The following DNAI7 variants were observed in gnomAD, a reference collection of about 807,000 sequenced individuals.
The protein encoded by DNAI7 is dynein axonemal intermediate chain 7.
A neutral mutation model predicts 86.6 loss-of-function variants in DNAI7; 78 were observed. The observed-to-expected ratio is 0.90, with a 90% CI of 0.75 to 1.09. DNAI7 has a LOEUF of 1.09. Among genes scored for constraint, DNAI7 ranks in the 50% least tolerant of loss-of-function variants. DNAI7 has a pLI of 0.00. For synonymous variants in DNAI7, 274 were observed against 273.0 expected (o/e 1.00, Z -0.04); for missense variants, 753 against 810.2 (o/e 0.93, Z 0.86).
Position 25,164,280 on chromosome 12 carries a change from T to A in DNAI7, c.22-3083A>T, listed in dbSNP as rs191517981. Among the ~76,000 whole-genome samples, 925 of 142,418 alleles carry A rather than the reference T, an allele frequency of 6.5e-3. 9 individuals are homozygous for A. Among genetic ancestry groups the A allele is most frequent in the African/African-American group, 0.023 (863 of 37,948 alleles). 93.4% of individuals were successfully genotyped at this position (142,418 alleles called of 152,430 possible). ...GTACCACTTTTCTAGAGGGCAAGAA[T>A]CCCCCAACCCTTCTCTCCGTGTCTC... On this transcript the variant is annotated intron_variant, in intron 2 of 15. Transcript: ENST00000395987.
chr12:25,120,724 C>CA (rs907966532), intron 11 of DNAI7, among the ~76,000 whole-genome samples: 9 of 151,176 alleles, frequency 6.0e-5, no homozygotes, highest in South Asian at 2.1e-4. Context: ...GACTCCGTCT[C>CA]AAAAAAAATA....
At chr12:25,145,813 A>T (rs971107161) in intron 8 of DNAI7, among the ~76,000 whole-genome samples, 5 of 152,246 alleles carry the variant, frequency 3.3e-5, no homozygotes, top group African/African-American at 1.2e-4. Context: ...AAGATCAAGC[A>T]GCAACCAAGC....
At chr12:25,124,389 T>A (rs2140498184) in intron 9 of DNAI7, among the ~76,000 whole-genome samples, 1 of 152,090 alleles carries the variant, frequency 6.6e-6, no homozygotes, top group African/African-American at 2.4e-5. Flanking sequence ...TCCTAAATAG[T>A]AGTGGCATTG....
intron 9 of DNAI7, among the ~76,000 whole-genome samples, chr12:25,124,344 CCTTA>C (rs1342481765): frequency 6.6e-6 from 1 of 151,292 alleles, no homozygotes; most frequent in African/African-American, 2.4e-5. Flanking sequence ...GAACCTTCTC[CCTTA>C]TTTATTCATT....
intron 1 of DNAI7, among the ~76,000 whole-genome samples, chr12:25,193,016 G>A (rs983145951): frequency 2.0e-5 from 3 of 151,616 alleles, no homozygotes; most frequent in Non-Finnish European, 2.9e-5. Context: ...GTGGTGGCAC[G>A]TGCCTTGTAC....
Position 25,108,780 on chromosome 12 carries a change from C to G in DNAI7, c.1937G>C (p.Trp646Ser). ...LTEACTENPN[W>S]ALLMFSGDRA... is the part of the protein sequence containing the mutation. Reference sequence around the variant, plus strand: ...GTCACCACTAAACATTAAAAGGGCCCAATTAGGATTCTCAGTACATGCTTC... The same window carrying G: ...GTCACCACTAAACATTAAAAGGGCCGAATTAGGATTCTCAGTACATGCTTC... Residue 646 changes from tryptophan (W) to serine (S), a missense_variant, in exon 16 of 16, where the codon TGG becomes TCG. Trp to Ser is a radical substitution (Grantham distance 177). Transcript: ENST00000395987. 7.5e-7 allele frequency: 1 copy of G among 1,329,152 alleles called. No individual in the cohort carries two copies. The highest frequency in any genetic ancestry group is 1.0e-6 in the Non-Finnish European group (1 of 982,784). 82.3% of individuals were successfully genotyped at this position (1,329,152 alleles called of 1,614,324 possible).
At chr12:25,120,739 T>A (rs920419646) in intron 11 of DNAI7, among the ~76,000 whole-genome samples, 10 of 151,412 alleles carry the variant, frequency 6.6e-5, no homozygotes, top group Non-Finnish European at 1.5e-4. Context: ...AAAATAAAAA[T>A]AAAAAAAATA....
At chr12:25,108,037 CA>C, downstream of DNAI7, 1 of 1,613,926 alleles carries the variant, frequency 6.2e-7, no homozygotes, top group Non-Finnish European at 8.5e-7. Flanking sequence ...CAGACTCCGA[CA>C]CAATGGGCCA....
chr12:25,116,380 T>C (rs189386729), intron 12 of DNAI7, among the ~76,000 whole-genome samples: 5 of 152,320 alleles, frequency 3.3e-5, no homozygotes, highest in African/African-American at 1.2e-4. Context: ...GGGCAAAATG[T>C]TTCCCCATGG....
intron 9 of DNAI7, among the ~76,000 whole-genome samples, chr12:25,127,977 C>T (rs931847004): frequency 1.3e-5 from 2 of 152,072 alleles, no homozygotes; most frequent in Non-Finnish European, 2.9e-5. Flanking sequence ...TCTCACTTTA[C>T]ACTAAAATAA....
Position 25,181,024 on chromosome 12 carries a change from T to G in DNAI7, c.21+9590A>C, listed in dbSNP as rs368746789. ...GGTTTCGCCATGTTGGGCAGGCTGA[T>G]CTCGAACTCCTGACCTCAGATGATC... On this transcript the variant is annotated intron_variant, in intron 2 of 15. Coordinates refer to ENST00000395987, the MANE Select transcript of DNAI7 (RefSeq NM_018272.5). Among the ~76,000 whole-genome samples the G allele has an allele frequency of 8.3e-4, 127 of 152,302 alleles. No homozygotes were observed. In the South Asian group the frequency reaches 0.026, roughly 31 times the overall value.
intron 15 of DNAI7, among the ~76,000 whole-genome samples, chr12:25,109,324 G>A (rs1389514891): frequency 6.6e-6 from 1 of 152,130 alleles, no homozygotes; most frequent in African/African-American, 2.4e-5. Context: ...TTAAGTTGGA[G>A]GACTAACCCT....
chr12:25,171,188 G>A (rs936441311), intron 2 of DNAI7, among the ~76,000 whole-genome samples: 2 of 151,890 alleles, frequency 1.3e-5, no homozygotes, highest in African/African-American at 2.4e-5. Context: ...ACAAAAAGCT[G>A]GTTCTTTGAA....
At chr12:25,178,107 C>A (rs1040133939) in intron 2 of DNAI7, among the ~76,000 whole-genome samples, 1 of 152,102 alleles carries the variant, frequency 6.6e-6, no homozygotes, top group African/African-American at 2.4e-5. Context: ...TTCAGATTAT[C>A]CATTTAACTC....
intron 9 of DNAI7, among the ~76,000 whole-genome samples, chr12:25,141,125 G>C (rs1346412478): frequency 6.6e-6 from 1 of 152,038 alleles, no homozygotes; most frequent in African/African-American, 2.4e-5. Flanking sequence ...AATAACATTG[G>C]AACAACCCTT....
chr12:25,149,685 T>C lies in DNAI7; in HGVS notation c.528A>G (p.Leu176=), dbSNP rs202064783. 7 of 1,600,204 alleles carry C rather than the reference T, an allele frequency of 4.4e-6. No homozygotes were observed. In the Admixed American group the frequency reaches 1.0e-4, roughly 23 times the overall value. ...KNIIQYQESI[L]QLQELLHLKF... ...TAAGATGAAGGAGCTCCTGCAGTTG[T>C]AGTATTGATTCTTGGTACTGTATTA... Residue 176 remains leucine (L), a synonymous_variant, in exon 7 of 16, where the codon CTA becomes CTG. Coordinates refer to ENST00000395987, the MANE Select transcript of DNAI7 (RefSeq NM_018272.5).
intron 9 of DNAI7, among the ~76,000 whole-genome samples, chr12:25,136,162 T>C: frequency 6.6e-6 from 1 of 152,170 alleles, no homozygotes; most frequent in Admixed American, 6.5e-5. Context: ...GTCCACTTCA[T>C]TCCCCTGCTA....
Position 25,121,750 on chromosome 12 carries a change from T to C in DNAI7, c.1239+3A>G. On this transcript the variant is annotated splice_donor_region_variant and intron_variant, in intron 11 of 15. Coordinates refer to ENST00000395987, the MANE Select transcript of DNAI7 (RefSeq NM_018272.5). ...ATAAGTTTTGATTCAAGAATCAACC[T>C]ACTTCCACAATCATCCATCCCTTCA... The C allele has an allele frequency of 6.3e-7, 1 of 1,593,006 alleles. No homozygotes were observed. Among genetic ancestry groups the C allele is most frequent in the Non-Finnish European group, 8.5e-7 (1 of 1,174,384 alleles).
chr12:25,155,747 TCAGA>T (rs778765321), intron 4 of DNAI7, among the ~76,000 whole-genome samples: 3 of 152,186 alleles, frequency 2.0e-5, no homozygotes, highest in African/African-American at 4.8e-5. Context: ...TTAGCACAGA[TCAGA>T]CAGTGACCCC....
Sources: gnomAD v4.1 joint callset for allele counts (sites outside exome capture counted in the v4.1 genomes callset) on GRCh38, gnomAD v4.1.1 for gene constraint, MANE v1.5 for transcripts, NCBI Gene and HGNC (gene_info 2026-07-23, HGNC 2026-07-21) for gene names.